The following TENM2 variants were observed in gnomAD, a reference collection of about 807,000 sequenced individuals.
The protein encoded by TENM2 is teneurin transmembrane protein 2.
TENM2 carries 52 observed loss-of-function variants against 245.2 expected under a neutral mutation model. That is an observed-to-expected ratio of 0.21 (90% CI 0.17 to 0.27). TENM2 has a LOEUF of 0.27. Ranked by LOEUF, TENM2 falls within the 10% of genes least tolerant of loss-of-function variation. The probability of loss-of-function intolerance (pLI) is 1.00; values close to 1 mark genes in which losing one functional copy is unlikely to be tolerated. For synonymous variants in TENM2, 1,363 were observed against 1,438.9 expected (o/e 0.95, Z 1.19); for missense variants, 3,046 against 3,666.8 (o/e 0.83, Z 4.37).
At chr5:167,978,344 A>T (rs560169770) in intron 4 of TENM2, among the ~76,000 whole-genome samples, 1 of 152,206 alleles carries the variant, frequency 6.6e-6, no homozygotes, top group Non-Finnish European at 1.5e-5. Flanking sequence ...ACTATTTACA[A>T]TAGTCAAAAG....
intron 2 of TENM2, among the ~76,000 whole-genome samples, chr5:167,420,093 C>T (rs915815697): frequency 7.2e-5 from 11 of 152,100 alleles, no homozygotes; most frequent in Non-Finnish European, 1.6e-4. Flanking sequence ...AAAAGGTCAC[C>T]AAAATTCCTG....
At chr5:167,082,180 AGCATTATT>A in the TENM2 span, among the ~76,000 whole-genome samples, 15 of 152,340 alleles carry the variant, frequency 9.8e-5, no homozygotes, top group Admixed American at 6.5e-4. Flanking sequence ...TGATTACTAC[AGCATTATT>A]ACCAGAAGAG....
chr5:168,103,760 C>T (rs941675808), intron 9 of TENM2, among the ~76,000 whole-genome samples: 3 of 152,060 alleles, frequency 2.0e-5, no homozygotes, highest in Admixed American at 6.6e-5. Context: ...AAGGCAGAGA[C>T]GTGGGAAGCC....
chr5:167,330,482 A>G (rs574452971), intron 1 of TENM2, among the ~76,000 whole-genome samples: 2 of 152,224 alleles, frequency 1.3e-5, no homozygotes, highest in South Asian at 4.1e-4. Flanking sequence ...ACTGAATATA[A>G]GGAAGAGCTT....
At chr5:167,349,161 T>C (rs1298971578) in intron 1 of TENM2, among the ~76,000 whole-genome samples, 1 of 152,224 alleles carries the variant, frequency 6.6e-6, no homozygotes, top group Non-Finnish European at 1.5e-5. Context: ...AAAGGATTGC[T>C]CATGCTCACT....
chr5:167,802,332 T>C, intron 2 of TENM2, among the ~76,000 whole-genome samples: 1 of 152,124 alleles, frequency 6.6e-6, no homozygotes. Flanking sequence ...CTAATCATAT[T>C]TTCTTCCCAC....
intron 9 of TENM2, among the ~76,000 whole-genome samples, chr5:168,109,003 ATCCTAGC>A (rs1336209750): frequency 1.3e-5 from 2 of 152,154 alleles, no homozygotes; most frequent in African/African-American, 4.8e-5. Context: ...CCAGGGCTGC[ATCCTAGC>A]TCCTTCAAAC....
intron 2 of TENM2, among the ~76,000 whole-genome samples, chr5:167,561,103 T>G (rs1313686791): frequency 4.6e-5 from 7 of 152,210 alleles, no homozygotes; most frequent in Non-Finnish European, 1.5e-5. Context: ...TTTAGGTACC[T>G]TGGTATATTC....
intron 3 of TENM2, chr5:167,948,860 G>A (rs888927604): frequency 2.2e-4 from 33 of 152,118 alleles, no homozygotes; most frequent in Admixed American, 5.2e-4. Context: ...ATTCATCTCC[G>A]TTTCATAGTA....
chr5:167,443,395 T>A (rs1764977048), intron 2 of TENM2, among the ~76,000 whole-genome samples: 1 of 152,178 alleles, frequency 6.6e-6, no homozygotes, highest in East Asian at 1.9e-4. Context: ...TGCTTTCTTG[T>A]CCCACAAAGA....
chr5:167,520,765 T>G (rs1770699134), intron 2 of TENM2, among the ~76,000 whole-genome samples: 2 of 151,806 alleles, frequency 1.3e-5, no homozygotes, highest in South Asian at 2.1e-4. Context: ...TCCCTATTCC[T>G]GCTTCCTCAT....
At chr5:167,460,198 C>G (rs1200698476) in intron 2 of TENM2, among the ~76,000 whole-genome samples, 7 of 152,070 alleles carry the variant, frequency 4.6e-5, no homozygotes, top group Admixed American at 4.6e-4. Context: ...GAAATTTTTC[C>G]CAATGCAGCA....
At chr5:168,063,701 A>G (rs776292509) in intron 7 of TENM2, among the ~76,000 whole-genome samples, 5 of 152,184 alleles carry the variant, frequency 3.3e-5, no homozygotes, top group Admixed American at 6.6e-5. Context: ...AATCAATGAC[A>G]GCACTTTTCC....
chr5:167,451,165 C>T (rs1253706793), intron 2 of TENM2, among the ~76,000 whole-genome samples: 1 of 152,142 alleles, frequency 6.6e-6, no homozygotes, highest in Non-Finnish European at 1.5e-5. Context: ...GTTCTGTTTT[C>T]CCTGAGGAGG....
In TENM2 at chr5:167,366,445, C is replaced by T. The variant is rs548398359; in HGVS notation, c.227-8753C>T. Among the ~76,000 whole-genome samples, 6 of 152,252 alleles carry T rather than the reference C, an allele frequency of 3.9e-5. No individual in the cohort carries two copies. In the East Asian group the frequency reaches 1.2e-3, roughly 29 times the overall value. ...CATTTGTTTTTTGGTTATTCTGATG[C>T]AGGCAACAATCTAAGCATTTTCCGC... is the stretch of plus-strand genomic sequence containing the variant. On this transcript the variant is annotated intron_variant, in intron 1 of 28. Transcript: ENST00000518659.
At chr5:167,993,120 G>C (rs1291992178) in exon 5 of TENM2, 4 of 1,614,026 alleles carry the variant, frequency 2.5e-6, no homozygotes, top group Non-Finnish European at 3.4e-6. Flanking sequence ...AGCTGGAAAT[G>C]TGCTGCCCTC....
chr5:167,396,680 C>T (rs1281458326), intron 2 of TENM2, among the ~76,000 whole-genome samples: 1 of 152,080 alleles, frequency 6.6e-6, no homozygotes, highest in East Asian at 1.9e-4. Context: ...ACTGCCACCA[C>T]CTGTAACTAC....
intron 25 of TENM2, among the ~76,000 whole-genome samples, chr5:168,237,091 C>G (rs1268041802): frequency 7.7e-6 from 1 of 129,744 alleles, no homozygotes; most frequent in Non-Finnish European, 1.6e-5. Flanking sequence ...TCTCGGATCA[C>G]TGCAACCTCC....
At chr5:167,275,816 T>G in the TENM2 span, among the ~76,000 whole-genome samples, 1 of 152,180 alleles carries the variant, frequency 6.6e-6, no homozygotes, top group South Asian at 2.1e-4. Context: ...AGGGAAAGTT[T>G]TATGTATTTC....
Sources: gnomAD v4.1 joint callset for allele counts (sites outside exome capture counted in the v4.1 genomes callset) on GRCh38, gnomAD v4.1.1 for gene constraint, MANE v1.5 for transcripts, NCBI Gene and HGNC (gene_info 2026-07-23, HGNC 2026-07-21) for gene names.